Variants in CCDC149 observed in about 807,000 individuals in gnomAD.
The protein encoded by CCDC149 is coiled-coil domain containing 149, also known as coiled-coil domain-containing protein 149.
Under a neutral mutation model 59.9 loss-of-function variants are expected in CCDC149, and 45 were observed. The ratio of observed to expected loss-of-function variants is 0.75; its 90% CI spans 0.59 to 0.96. CCDC149 has a LOEUF of 0.96. CCDC149 is among the 40% of genes least tolerant of loss of function. The pLI is 0.00. For synonymous variants in CCDC149, 245 were observed against 260.6 expected, an observed-to-expected ratio of 0.94 and a Z score of 0.58; for missense variants, 584 against 664.7, an observed-to-expected ratio of 0.88 and a Z score of 1.33.
chr4:24,886,357 G>T (rs1420026167), intron 1 of CCDC149, among the ~76,000 whole-genome samples: 1 of 152,162 alleles, frequency 6.6e-6, no homozygotes, highest in Non-Finnish European at 1.5e-5. Context: ...GGATGAACTG[G>T]ACTCTGTGAC....
intron 1 of CCDC149, among the ~76,000 whole-genome samples, chr4:24,977,628 C>T (rs897974757): frequency 6.6e-6 from 1 of 152,104 alleles, no homozygotes; most frequent in African/African-American, 2.4e-5. Flanking sequence ...TGGTAGAAGG[C>T]GCCCAGCACT....
chr4:24,871,552 A>G (rs906537427), intron 3 of CCDC149, among the ~76,000 whole-genome samples: 4 of 152,234 alleles, frequency 2.6e-5, no homozygotes, highest in African/African-American at 9.6e-5. Flanking sequence ...GTCAGTACAG[A>G]ACAACTATAA....
intron 1 of CCDC149, among the ~76,000 whole-genome samples, chr4:24,904,902 CATTT>C (rs1273509707): frequency 6.6e-6 from 1 of 151,976 alleles, no homozygotes; most frequent in African/African-American, 2.4e-5. Context: ...TTTGTTCTTT[CATTT>C]GTTTGTTTGT....
At chr4:24,889,159 A>G (rs1370928293) in intron 1 of CCDC149, among the ~76,000 whole-genome samples, 1 of 152,100 alleles carries the variant, frequency 6.6e-6, no homozygotes, top group Non-Finnish European at 1.5e-5. Context: ...CTGAATATCT[A>G]TTTCAATCCT....
chr4:24,907,673 C>T (rs1416408993), intron 1 of CCDC149, among the ~76,000 whole-genome samples: 1 of 152,146 alleles, frequency 6.6e-6, no homozygotes, highest in East Asian at 1.9e-4. Context: ...AAAGCCAGCC[C>T]TAGCATGGAA....
chr4:24,902,163 T>C (rs970862023), intron 1 of CCDC149, among the ~76,000 whole-genome samples: 1 of 152,196 alleles, frequency 6.6e-6, no homozygotes, highest in African/African-American at 2.4e-5. Context: ...ATTGAGAATG[T>C]TGATGGTGGC....
chr4:24,912,701 C>CT, intron 1 of CCDC149, 116 bp downstream of exon 1: 2 of 696,378 alleles, frequency 2.9e-6, no homozygotes. Flanking sequence ...GCCGCGGCCA[C>CT]TTGGAGTGCG....
At chr4:24,925,801 A>T (rs1217067001) in intron 1 of CCDC149, among the ~76,000 whole-genome samples, 1 of 152,222 alleles carries the variant, frequency 6.6e-6, no homozygotes, top group African/African-American at 2.4e-5. Context: ...TTCTGAATTC[A>T]TATTTTCCCA....
At chr4:24,928,115 G>C (rs1722479891) in intron 1 of CCDC149, among the ~76,000 whole-genome samples, 1 of 152,160 alleles carries the variant, frequency 6.6e-6, no homozygotes, top group Admixed American at 6.5e-5. Flanking sequence ...ACATCTTTAT[G>C]TCTTTGCATA....
intron 6 of CCDC149, 64 bp from the exon 7 acceptor site, chr4:24,836,572 A>G (rs956570240): frequency 3.7e-5 from 43 of 1,153,362 alleles, no homozygotes; most frequent in Middle Eastern, 2.8e-4. Context: ...ACACTGAAGT[A>G]TAAGGGGAAA....
chr4:24,839,529 T>C (rs2109148149), intron 4 of CCDC149, among the ~76,000 whole-genome samples: 1 of 152,350 alleles, frequency 6.6e-6, no homozygotes, highest in South Asian at 2.1e-4. Flanking sequence ...TTTCATAATA[T>C]GCCTTTATTT....
At chr4:24,819,790 T>A in intron 12 of CCDC149, 69 bp downstream of exon 12, 1 of 1,062,174 alleles carries the variant, frequency 9.4e-7, no homozygotes, top group Non-Finnish European at 1.4e-6. Context: ...AAGAGACCGA[T>A]GTCCATTGAG....
chr4:24,933,186 C>T (rs1369238722), intron 1 of CCDC149, among the ~76,000 whole-genome samples: 1 of 152,076 alleles, frequency 6.6e-6, no homozygotes, highest in African/African-American at 2.4e-5. Flanking sequence ...ATGTGCTATC[C>T]TAAAAGTGAG....
At chr4:24,935,162 A>G (rs147680839) in intron 1 of CCDC149, among the ~76,000 whole-genome samples, 1 of 152,316 alleles carries the variant, frequency 6.6e-6, no homozygotes, top group East Asian at 1.9e-4. Context: ...AATTTATCAG[A>G]TTCTGGAAGT....
At chr4:24,875,410 C>T (rs1324509093) in intron 2 of CCDC149, among the ~76,000 whole-genome samples, 1 of 151,284 alleles carries the variant, frequency 6.6e-6, no homozygotes, top group Non-Finnish European at 1.5e-5. Context: ...GATCTGTAGG[C>T]CTAGAAAGAT....
At chr4:24,900,680 G>T (rs1432998852) in intron 1 of CCDC149, among the ~76,000 whole-genome samples, 2 of 152,268 alleles carry the variant, frequency 1.3e-5, no homozygotes, top group Non-Finnish European at 2.9e-5. Context: ...TAGCATGTGA[G>T]TGTGAAAGGA....
chr4:24,938,871 T>C (rs1411945674), intron 1 of CCDC149, among the ~76,000 whole-genome samples: 2 of 152,198 alleles, frequency 1.3e-5, no homozygotes, highest in Admixed American at 1.3e-4. Flanking sequence ...TTGCTCAGGC[T>C]TGAGTAGGTA....
At chr4:24,948,015 A>T (rs1231394693) in intron 1 of CCDC149, among the ~76,000 whole-genome samples, 1 of 152,216 alleles carries the variant, frequency 6.6e-6, no homozygotes, top group Non-Finnish European at 1.5e-5. Flanking sequence ...GCTTGAAGGG[A>T]TAGGGAGAGC....
intron 1 of CCDC149, among the ~76,000 whole-genome samples, chr4:24,955,037 G>C (rs1423044809): frequency 6.6e-6 from 1 of 152,030 alleles, no homozygotes; most frequent in Non-Finnish European, 1.5e-5. Context: ...GCTGGTATTT[G>C]TTATAGCAAC....
Sources: gnomAD v4.1 joint callset for allele counts (sites outside exome capture counted in the v4.1 genomes callset) on GRCh38, gnomAD v4.1.1 for gene constraint, MANE v1.5 for transcripts, NCBI Gene and HGNC (gene_info 2026-07-23, HGNC 2026-07-21) for gene names.